Variants in PAH observed in about 807,000 individuals in gnomAD.
PAH encodes phenylalanine-4-hydroxylase.
Under a neutral mutation model 62.0 loss-of-function variants are expected in PAH, and 64 were observed. That is an observed-to-expected ratio of 1.03 (90% CI 0.84 to 1.27). PAH has a LOEUF of 1.27. Among genes scored for constraint, PAH ranks in the 50% most tolerant of loss-of-function variants. The pLI, the probability that PAH is intolerant of heterozygous loss-of-function variation, is 0.00. For missense variants in PAH, 579 were observed against 542.8 expected, an observed-to-expected ratio of 1.07 and a Z score of -0.66; for synonymous variants, 195 against 196.2, an observed-to-expected ratio of 0.99 and a Z score of 0.05.
At chr12:102,897,690 T>G (rs111269072) in intron 2 of PAH, among the ~76,000 whole-genome samples, 3,562 of 152,220 alleles carry the variant, frequency 0.023, 66 homozygotes, top group Middle Eastern at 0.037. Context: ...GTATCAGAGT[T>G]TGCTTGATGT....
chr12:102,920,395 A>C (rs868043137), upstream of PAH, among the ~76,000 whole-genome samples: 3 of 152,330 alleles, frequency 2.0e-5, no homozygotes, highest in Middle Eastern at 6.8e-3. Context: ...TTAACACTGC[A>C]CAGAGGTGGG....
Position 102,855,252 on chromosome 12 carries a change from A to C in PAH, c.590T>G (p.Leu197Trp), listed in dbSNP as rs886042078. The C allele has an allele frequency of 6.2e-7, 1 of 1,614,014 alleles. No homozygotes were observed. ...CTCATAGCAAGCATGGGTTTTATAC[A>C]AGGACTTCAGAGTCTTGAACACTGT... is the stretch of plus-strand genomic sequence containing the variant. The part of the protein sequence containing the change: ...WGTVFKTLKS[L>W]YKTHACYEYN... The change falls in exon 6 of 13, where the codon TTG becomes TGG. Residue 197 changes from leucine to tryptophan, a missense_variant. Leu to Trp is a moderately conservative substitution (Grantham distance 61). Transcript: ENST00000553106.
upstream of PAH, among the ~76,000 whole-genome samples, chr12:102,954,579 G>C (rs576348441): frequency 2.0e-5 from 3 of 152,164 alleles, no homozygotes; most frequent in Non-Finnish European, 4.4e-5. Flanking sequence ...ACAGCTCTCA[G>C]GTAAAGGGGC....
upstream of PAH, among the ~76,000 whole-genome samples, chr12:102,919,538 T>C (rs1476405502): frequency 1.3e-5 from 2 of 152,206 alleles, no homozygotes; most frequent in Non-Finnish European, 2.9e-5. Context: ...CTAGGTCTTA[T>C]TCATTCTTTC....
upstream of PAH, among the ~76,000 whole-genome samples, chr12:102,954,831 A>G (rs1172597881): frequency 6.6e-6 from 1 of 152,176 alleles, no homozygotes; most frequent in Non-Finnish European, 1.5e-5. Context: ...AGAAATGCAA[A>G]CCTCTAAAGA....
At chr12:102,886,817 C>T (rs1565863275) in intron 3 of PAH, among the ~76,000 whole-genome samples, 1 of 152,066 alleles carries the variant, frequency 6.6e-6, no homozygotes, top group Non-Finnish European at 1.5e-5. Flanking sequence ...TGGGTCTAGG[C>T]ACCATGTCTG....
chr12:102,917,022 T>C, intron 1 of PAH, 49 bp downstream of exon 1: 1 of 1,559,730 alleles, frequency 6.4e-7, no homozygotes, highest in South Asian at 1.1e-5. Context: ...TCTCTTTCTC[T>C]GGAGGCCCAA....
intron 1 of PAH, among the ~76,000 whole-genome samples, chr12:102,929,306 A>C (rs1235782310): frequency 6.6e-6 from 1 of 152,214 alleles, no homozygotes; most frequent in Non-Finnish European, 1.5e-5. Context: ...AAGTGTCATG[A>C]AGGAGATGTA....
intron 11 of PAH, 98 bp from the exon 12 acceptor site, chr12:102,840,613 C>G: frequency 1.2e-6 from 1 of 829,686 alleles, no homozygotes; most frequent in African/African-American, 1.7e-5. Flanking sequence ...TTTAGGAACA[C>G]GGACACCTCC....
At chr12:102,915,556 C>A (rs1203396548) in intron 1 of PAH, among the ~76,000 whole-genome samples, 1 of 152,190 alleles carries the variant, frequency 6.6e-6, no homozygotes, top group Non-Finnish European at 1.5e-5. Context: ...TAGTCAATAG[C>A]ACTCCTAACA....
intron 8 of PAH, among the ~76,000 whole-genome samples, chr12:102,847,736 T>G (rs1390825825): frequency 6.6e-6 from 1 of 152,128 alleles, no homozygotes; most frequent in African/African-American, 2.4e-5. Context: ...AGGGGAGACT[T>G]CAATTTTAAA....
At chr12:102,932,964 C>A (rs995365330) in intron 1 of PAH, among the ~76,000 whole-genome samples, 1 of 152,164 alleles carries the variant, frequency 6.6e-6, no homozygotes, top group Non-Finnish European at 1.5e-5. Flanking sequence ...AGCATTTATT[C>A]TTTCTTTGTG....
intron 1 of PAH, among the ~76,000 whole-genome samples, chr12:102,939,257 T>G (rs1204694806): frequency 2.0e-5 from 3 of 152,196 alleles, no homozygotes; most frequent in African/African-American, 7.2e-5. Flanking sequence ...ACTGCTACCT[T>G]CTGGCTGAGA....
At chr12:102,947,187 A>G (rs185745481) in intron 1 of PAH, among the ~76,000 whole-genome samples, 1 of 151,596 alleles carries the variant, frequency 6.6e-6, no homozygotes, top group African/African-American at 2.4e-5. Context: ...GTGTGTGTAT[A>G]TGTGTGTGTG....
chr12:102,853,705 G>A lies in PAH; in HGVS notation c.707-755C>T, dbSNP rs79252490. Among the ~76,000 whole-genome samples, 1,500 of 152,282 alleles carry A rather than the reference G, an allele frequency of 9.9e-3. 16 individuals are homozygous for A. Among genetic ancestry groups the A allele is most frequent in the African/African-American group, 0.033 (1,381 of 41,554 alleles). ...TCTGATCACCATCTCTATGGTTCCT[G>A]TATCTGTCTCTCAGTTTGTTGCAAA... On this transcript the variant is annotated intron_variant, in intron 6 of 12. Coordinates refer to ENST00000553106, the MANE Select transcript of PAH (RefSeq NM_000277.3).
At chr12:102,937,113 A>G (rs1050254988) in intron 1 of PAH, among the ~76,000 whole-genome samples, 8 of 152,132 alleles carry the variant, frequency 5.3e-5, no homozygotes, top group African/African-American at 1.9e-4. Context: ...TCATTATTGT[A>G]AGTTTCCCAA....
intron 4 of PAH, among the ~76,000 whole-genome samples, chr12:102,872,442 G>A (rs866764511): frequency 6.6e-6 from 1 of 152,118 alleles, no homozygotes; most frequent in African/African-American, 2.4e-5. Flanking sequence ...CACAAATTAT[G>A]CTTGGATAGA....
intron 7 of PAH, chr12:102,852,371 A>G (rs908567789): frequency 8.5e-6 from 2 of 236,258 alleles, no homozygotes; most frequent in African/African-American, 4.5e-5. Flanking sequence ...TATCAGACTA[A>G]GGGGATAACG....
chr12:102,877,956 G>A (rs1039865842), intron 3 of PAH, among the ~76,000 whole-genome samples: 1 of 152,054 alleles, frequency 6.6e-6, no homozygotes, highest in Admixed American at 6.6e-5. Context: ...CTCCCGAGTA[G>A]CTGGGATTAC....
Sources: allele counts gnomAD v4.1 joint callset (sites outside exome capture counted in the v4.1 genomes callset), GRCh38; gene constraint gnomAD v4.1.1; transcripts MANE v1.5; gene names NCBI Gene and HGNC (gene_info 2026-07-23, HGNC 2026-07-21).